Variants in RIC1 observed in about 807,000 individuals in gnomAD.
The protein encoded by RIC1 is guanine nucleotide exchange factor subunit RIC1.
A neutral mutation model predicts 169.0 loss-of-function variants in RIC1; 88 were observed. That is an observed-to-expected ratio of 0.52 (90% CI 0.44 to 0.62). RIC1 has a LOEUF of 0.62. Among genes scored for constraint, RIC1 ranks in the 20% least tolerant of loss-of-function variants. The probability of loss-of-function intolerance (pLI) is 0.00; values close to 1 mark genes in which losing one functional copy is unlikely to be tolerated. For missense variants in RIC1, 1,877 were observed against 1,725.5 expected (o/e 1.09, Z -1.56); for synonymous variants, 790 against 601.5 (o/e 1.31, Z -4.59).
At chr9:5,653,738 C>G (rs1818933419) in intron 1 of RIC1, among the ~76,000 whole-genome samples, 1 of 152,078 alleles carries the variant, frequency 6.6e-6, no homozygotes, top group African/African-American at 2.4e-5. Flanking sequence ...GCTGTGACTA[C>G]AGGTGCACAC....
chr9:5,760,955 T>G (rs779342762), intron 17 of RIC1, among the ~76,000 whole-genome samples: 1 of 152,098 alleles, frequency 6.6e-6, no homozygotes, highest in Non-Finnish European at 1.5e-5. Flanking sequence ...CTGAAATTCT[T>G]TCCTTCTGTT....
intron 6 of RIC1, among the ~76,000 whole-genome samples, chr9:5,726,140 G>A (rs529211447): frequency 3.3e-5 from 5 of 152,274 alleles, no homozygotes; most frequent in African/African-American, 1.2e-4. Flanking sequence ...TCTGTCTAAT[G>A]TTTACGGTGG....
Position 5,686,392 on chromosome 9 carries a change from G to C in RIC1, c.253-3567G>C, listed in dbSNP as rs555679572. Among the ~76,000 whole-genome samples, 99 of 152,138 alleles carry C rather than the reference G, an allele frequency of 6.5e-4. 2 individuals carry two copies. The highest frequency in any genetic ancestry group is 8.3e-4 in the South Asian group (4 of 4,810). On this transcript the variant is annotated intron_variant, in intron 2 of 25. Coordinates refer to ENST00000414202, the MANE Select transcript of RIC1 (RefSeq NM_020829.4). ...GAAACCAACCCAAATGTCCAACAAT[G>C]ATAGACTGGATTAAGAAAATGTGGC...
chr9:5,685,035 T>C (rs1348468600), intron 2 of RIC1, among the ~76,000 whole-genome samples: 1 of 152,294 alleles, frequency 6.6e-6, no homozygotes, highest in East Asian at 1.9e-4. Context: ...TGTTTTTTTT[T>C]TATAAGGTTG....
At chr9:5,711,641 AT>A (rs1304727149) in intron 3 of RIC1, among the ~76,000 whole-genome samples, 1 of 152,016 alleles carries the variant, frequency 6.6e-6, no homozygotes, top group African/African-American at 2.4e-5. Flanking sequence ...TTTGTTACAT[AT>A]GTATACATGT....
intron 6 of RIC1, among the ~76,000 whole-genome samples, chr9:5,727,722 G>T (rs1444570423): frequency 2.0e-5 from 3 of 152,128 alleles, no homozygotes; most frequent in Non-Finnish European, 4.4e-5. Flanking sequence ...TGGGGTTTTG[G>T]TGTGGATGTC....
At chr9:5,708,458 G>C (rs1822733468) in intron 3 of RIC1, among the ~76,000 whole-genome samples, 1 of 152,022 alleles carries the variant, frequency 6.6e-6, no homozygotes, top group Non-Finnish European at 1.5e-5. Context: ...TGGTAGTTCA[G>C]GTCTACTTGT....
intron 21 of RIC1, among the ~76,000 whole-genome samples, 199 bp from the exon 22 acceptor site, chr9:5,768,771 T>C (rs1006157433): frequency 6.6e-6 from 1 of 152,196 alleles, no homozygotes; most frequent in Non-Finnish European, 1.5e-5. Context: ...TCTACAAATG[T>C]GTCTTAAGAG....
chr9:5,735,508 A>G (rs764200426), intron 7 of RIC1, among the ~76,000 whole-genome samples: 2 of 152,212 alleles, frequency 1.3e-5, no homozygotes, highest in African/African-American at 4.8e-5. Context: ...CTCTTGGCCT[A>G]TAGCTTTTCA....
chr9:5,673,783 A>G (rs1243957854), intron 2 of RIC1, among the ~76,000 whole-genome samples: 1 of 151,940 alleles, frequency 6.6e-6, no homozygotes, highest in African/African-American at 2.4e-5. Context: ...GAAAATGATA[A>G]AAGTTCCTGT....
chr9:5,716,794 A>T (rs1030788141), intron 4 of RIC1, among the ~76,000 whole-genome samples: 2 of 152,176 alleles, frequency 1.3e-5, no homozygotes, highest in African/African-American at 2.4e-5. Context: ...ATTTACCAAC[A>T]TTTATAGAAT....
intron 8 of RIC1, among the ~76,000 whole-genome samples, chr9:5,741,455 C>G (rs760355341): frequency 7.9e-5 from 12 of 152,112 alleles, no homozygotes; most frequent in Admixed American, 7.2e-4. Flanking sequence ...ATACATTACA[C>G]TTTTTTCCAT....
intron 17 of RIC1, among the ~76,000 whole-genome samples, chr9:5,761,075 G>A (rs920846731): frequency 3.7e-5 from 5 of 135,668 alleles, no homozygotes; most frequent in Non-Finnish European, 7.8e-5. Context: ...AGAAACATCT[G>A]TCTGTCTCCT....
intron 1 of RIC1, among the ~76,000 whole-genome samples, chr9:5,631,414 T>G (rs1404447551): frequency 2.0e-5 from 3 of 152,144 alleles, no homozygotes; most frequent in African/African-American, 4.8e-5. Context: ...TATGAGTGGT[T>G]AACCTTGGTC....
intron 2 of RIC1, among the ~76,000 whole-genome samples, chr9:5,667,694 G>A (rs1333193): frequency 0.33 from 49,939 of 151,754 alleles, 8,782 homozygotes; most frequent in East Asian, 0.59. Flanking sequence ...TTGTAGAGAT[G>A]TGATCTCACT....
At chr9:5,737,767 C>T (rs1325932352) in intron 7 of RIC1, among the ~76,000 whole-genome samples, 1 of 150,980 alleles carries the variant, frequency 6.6e-6, no homozygotes, top group Non-Finnish European at 1.5e-5. Flanking sequence ...ACAATATAGT[C>T]AATTAACACA....
intron 2 of RIC1, among the ~76,000 whole-genome samples, chr9:5,685,036 T>A (rs913205381): frequency 1.3e-5 from 2 of 152,148 alleles, no homozygotes; most frequent in Admixed American, 6.5e-5. Flanking sequence ...GTTTTTTTTT[T>A]ATAAGGTTGA....
intron 2 of RIC1, among the ~76,000 whole-genome samples, chr9:5,678,785 T>C (rs1466090671): frequency 6.6e-6 from 1 of 152,038 alleles, no homozygotes; most frequent in Non-Finnish European, 1.5e-5. Flanking sequence ...TTTTTCCCAT[T>C]CTGTAGGTTG....
intron 1 of RIC1, among the ~76,000 whole-genome samples, chr9:5,654,349 C>A (rs773861347): frequency 1.3e-5 from 2 of 152,064 alleles, no homozygotes; most frequent in East Asian, 3.9e-4. Flanking sequence ...CGGGTTCAAG[C>A]GATTCTCCTG....
Sources: allele counts gnomAD v4.1 joint callset (sites outside exome capture counted in the v4.1 genomes callset), GRCh38; gene constraint gnomAD v4.1.1; transcripts MANE v1.5; gene names NCBI Gene and HGNC (gene_info 2026-07-23, HGNC 2026-07-21).